PHIP: variants seen among roughly 807,000 people sequenced by gnomAD.
PHIP encodes the protein PHIP subunit of CUL4-Ring ligase complex, also known as PH-interacting protein.
In PHIP, 54 loss-of-function variants were observed where a neutral mutation model predicts 236.8. The observed-to-expected ratio is 0.23, with a 90% CI of 0.18 to 0.29. The LOEUF (loss-of-function observed/expected upper bound fraction) is 0.29. Ranked by LOEUF, PHIP falls within the 10% of genes least tolerant of loss-of-function variation. PHIP has a pLI of 1.00. For missense variants in PHIP, 1,370 were observed against 2,190.8 expected (o/e 0.63, Z 7.48); for synonymous variants, 756 against 718.9 (o/e 1.05, Z -0.83).
At chr6:78,978,222 T>TA (rs1296101592) in intron 24 of PHIP, among the ~76,000 whole-genome samples, 1 of 152,078 alleles carries the variant, frequency 6.6e-6, no homozygotes, top group Non-Finnish European at 1.5e-5. Context: ...GAAATAAAAT[T>TA]AAATGAAAAC....
At chr6:79,020,343 A>T (rs972742859) in intron 9 of PHIP, among the ~76,000 whole-genome samples, 3 of 152,204 alleles carry the variant, frequency 2.0e-5, no homozygotes, top group Admixed American at 2.0e-4. Flanking sequence ...TATTTACAGC[A>T]AATTCTATTA....
At chr6:79,065,350 C>T (rs1402638071) in intron 4 of PHIP, among the ~76,000 whole-genome samples, 1 of 152,162 alleles carries the variant, frequency 6.6e-6, no homozygotes, top group Non-Finnish European at 1.5e-5. Flanking sequence ...CCCAGAAATG[C>T]ATGTATGGTC....
At chr6:78,985,573 G>C (rs1768811370) in intron 21 of PHIP, 145 bp from the exon 22 acceptor site, 3 of 659,896 alleles carry the variant, frequency 4.5e-6, no homozygotes, top group Non-Finnish European at 8.2e-6. Flanking sequence ...GGGTGTTGTG[G>C]CTCACGCCTG....
chr6:78,962,385 T>C (rs1766841623), intron 30 of PHIP, among the ~76,000 whole-genome samples: 1 of 152,158 alleles, frequency 6.6e-6, no homozygotes, highest in East Asian at 1.9e-4. Context: ...ATACTTAATA[T>C]CCTAAAATAT....
At chr6:79,063,692 G>C (rs1773494119) in intron 4 of PHIP, among the ~76,000 whole-genome samples, 1 of 152,174 alleles carries the variant, frequency 6.6e-6, no homozygotes, top group South Asian at 2.1e-4. Context: ...TGGGATTACA[G>C]GCATGAGCCA....
chr6:79,029,194 A>G (rs575439524), intron 7 of PHIP, among the ~76,000 whole-genome samples: 1 of 152,284 alleles, frequency 6.6e-6, no homozygotes, highest in African/African-American at 2.4e-5. Flanking sequence ...TCCTTTCACA[A>G]AAATCTCTCC....
chr6:79,006,660 C>T (rs1005860819), intron 15 of PHIP, among the ~76,000 whole-genome samples: 4 of 151,984 alleles, frequency 2.6e-5, no homozygotes, highest in African/African-American at 9.7e-5. Flanking sequence ...TTTAATACTA[C>T]ATATAGCTTA....
chr6:78,989,059 A>G (rs976554840), intron 20 of PHIP, among the ~76,000 whole-genome samples: 1 of 151,284 alleles, frequency 6.6e-6, no homozygotes, highest in East Asian at 2.0e-4. Context: ...ATGAAGACAA[A>G]CTCAATAAAC....
chr6:78,997,659 A>C lies in PHIP; in HGVS notation c.2018-62T>G, dbSNP rs931413879. ...AGATATTTCTCCATTAGTTTATAAC[A>C]GAAAAAAGAGATAAAACACTATCTT... On this transcript the variant is annotated intron_variant, in intron 18 of 39. Coordinates refer to ENST00000275034, the MANE Select transcript of PHIP (RefSeq NM_017934.7). The C allele has an allele frequency of 2.2e-5, 28 of 1,247,178 alleles. No individual in the cohort carries two copies. The African/African-American group carries it at 4.1e-4, about 18-fold the overall frequency. 77.3% of individuals were successfully genotyped at this position (1,247,178 alleles called of 1,614,324 possible).
chr6:78,983,136 T>C lies in PHIP; in HGVS notation c.2538-19A>G. The C allele has an allele frequency of 7.7e-7, 1 of 1,296,772 alleles. No homozygotes were observed. The highest frequency in any genetic ancestry group is 1.1e-6 in the Non-Finnish European group (1 of 927,790). 80.3% of individuals were successfully genotyped at this position (1,296,772 alleles called of 1,614,324 possible). A position where few individuals can be genotyped will look rare whatever the true frequency, so the allele number is the denominator to read the frequency against. Reference sequence around the variant, plus strand: ...GTAGTCACTAGAAGGAGAGAAGGGATTATTAGATAACACACAAGATAAAAT... The same window carrying C: ...GTAGTCACTAGAAGGAGAGAAGGGACTATTAGATAACACACAAGATAAAAT... On this transcript the variant is annotated intron_variant, in intron 22 of 39. Transcript: ENST00000275034.
intron 37 of PHIP, 162 bp from the exon 38 acceptor site, chr6:78,946,422 T>C (rs1386614039): frequency 7.1e-7 from 1 of 1,405,708 alleles, no homozygotes; most frequent in Admixed American, 3.0e-5. Flanking sequence ...AAAGTGAATA[T>C]TTAGTGAAGG....
rs1429558232 is a variant in PHIP at position 78,940,543 on chromosome 6, A to AGTTT, written c.*146_*149dup. 608 of 85,812 alleles carry AGTTT rather than the reference A, an allele frequency of 7.1e-3. 25 individuals are homozygous for AGTTT. Among genetic ancestry groups the AGTTT allele is most frequent in the African/African-American group, 0.036 (575 of 16,078 alleles). 5.3% of individuals were successfully genotyped at this position (85,812 alleles called of 1,614,324 possible). On this transcript the variant is annotated 3_prime_UTR_variant, in exon 40 of 40. Coordinates refer to ENST00000275034, the MANE Select transcript of PHIP (RefSeq NM_017934.7). Reference sequence around the variant, plus strand: ...ATTTAAAGAAGTGAAGTGTCTCGTAAGTTTGTTTTTTTTTTTTTTTTTTTT... The same window carrying AGTTT: ...ATTTAAAGAAGTGAAGTGTCTCGTAAGTTTGTTTGTTTTTTTTTTTTTTTTTTTT...
rs28562383 is a variant in PHIP, at chr6:79,067,461, T to A, written c.190-6643A>T. Among the ~76,000 whole-genome samples the A allele has an allele frequency of 2.4e-3, 373 of 152,366 alleles. 4 individuals carry two copies. Among genetic ancestry groups the A allele is most frequent in the African/African-American group, 8.5e-3 (352 of 41,588 alleles). On this transcript the variant is annotated intron_variant, in intron 4 of 39. Transcript: ENST00000275034. ...GAATTAGCCAAAGGTATCCTTTTTTTAAAATATCATGTTATATTATTTAGA... is the reference window on the plus strand; with the variant it reads ...GAATTAGCCAAAGGTATCCTTTTTTAAAAATATCATGTTATATTATTTAGA...
In PHIP at chr6:78,987,089, A is replaced by C. The variant is rs114546674; in HGVS notation, c.2460+1120T>G. On this transcript the variant is annotated intron_variant, in intron 21 of 39. Coordinates refer to ENST00000275034, the MANE Select transcript of PHIP (RefSeq NM_017934.7). Reference sequence around the variant, plus strand: ...ATGGACTCTTCTAGAAATATATTCTAAATTTCTAAAAGGATGTTAAAGCAT... The same window carrying C: ...ATGGACTCTTCTAGAAATATATTCTCAATTTCTAAAAGGATGTTAAAGCAT... 4.3e-3 allele frequency among the ~76,000 whole-genome samples: 658 copies of C among 152,262 alleles called. 2 individuals are homozygous for C. Among genetic ancestry groups the C allele is most frequent in the African/African-American group, 0.014 (597 of 41,578 alleles).
intron 6 of PHIP, among the ~76,000 whole-genome samples, chr6:79,055,350 C>G (rs1773015894): frequency 6.6e-6 from 1 of 152,108 alleles, no homozygotes; most frequent in Non-Finnish European, 1.5e-5. Flanking sequence ...GTATTTAGGT[C>G]TCTTCTTTCC....
At chr6:79,067,878 T>C (rs1428511245) in intron 4 of PHIP, 1 of 152,712 alleles carries the variant, frequency 6.5e-6, no homozygotes, top group Non-Finnish European at 1.5e-5. Flanking sequence ...AAGGGTCATC[T>C]TCTGAGAATG....
At chr6:78,995,895 T>C (rs955268063) in intron 19 of PHIP, among the ~76,000 whole-genome samples, 28 of 152,104 alleles carry the variant, frequency 1.8e-4, no homozygotes, top group Admixed American at 1.2e-3. Context: ...ATAGGATGAG[T>C]ACAAAGTTTT....
intron 34 of PHIP, 34 bp from the exon 35 acceptor site, chr6:78,954,997 G>A (rs752613337): frequency 3.8e-5 from 55 of 1,445,852 alleles, no homozygotes; most frequent in Admixed American, 5.0e-5. Context: ...ATTAATAAAA[G>A]AGCACTTACA....
At chr6:78,983,937 G>T (rs918555269) in intron 22 of PHIP, among the ~76,000 whole-genome samples, 1 of 151,988 alleles carries the variant, frequency 6.6e-6, no homozygotes, top group African/African-American at 2.4e-5. Context: ...ATTTTAGTAT[G>T]TGAGCATATT....
Sources: allele counts gnomAD v4.1 joint callset (sites outside exome capture counted in the v4.1 genomes callset), GRCh38; gene constraint gnomAD v4.1.1; transcripts MANE v1.5; gene names NCBI Gene and HGNC (gene_info 2026-07-23, HGNC 2026-07-21).